The following MTREX variants were observed in gnomAD, a reference collection of about 807,000 sequenced individuals.
The protein encoded by MTREX is exosome RNA helicase MTR4.
In MTREX, 76 loss-of-function variants were observed where a neutral mutation model predicts 135.4. That is an observed-to-expected ratio of 0.56 (90% CI 0.47 to 0.68). MTREX has a LOEUF of 0.68. Ranked by LOEUF, MTREX falls within the 30% of genes least tolerant of loss-of-function variation. MTREX has a pLI of 0.00. For synonymous variants in MTREX, 404 were observed against 401.6 expected, an observed-to-expected ratio of 1.01 and a Z score of -0.07; for missense variants, 920 against 1,262.1, an observed-to-expected ratio of 0.73 and a Z score of 4.11.
chr5:55,422,008 G>A (rs1254356653), intron 25 of MTREX, among the ~76,000 whole-genome samples: 1 of 152,112 alleles, frequency 6.6e-6, no homozygotes, highest in African/African-American at 2.4e-5. Context: ...GCTGAGAATA[G>A]AAATAACAAA....
At position 55,416,033 on chromosome 5, in the gene MTREX, T is replaced by TA; in HGVS notation, c.2873dup (p.Tyr958Ter). ...EAKLEIDEET[Y>*]LSSFKPHLMD... ...CAAATTGGAAATTGATGAGGAAACTTATCTAAGCTCATTTAAACCTCACTT... is the reference window on the plus strand; with the variant it reads ...CAAATTGGAAATTGATGAGGAAACTTAATCTAAGCTCATTTAAACCTCACTT... The change falls in exon 25 of 27, where the codon TAT becomes TAAT. Residue 958 changes from tyrosine to a stop codon, truncating the protein, a stop_gained and frameshift_variant. Coordinates refer to ENST00000230640, the MANE Select transcript of MTREX (RefSeq NM_015360.5). LOFTEE classifies it high-confidence loss of function. 6.2e-7 allele frequency: 1 copy of TA among 1,604,106 alleles called. No individual in the cohort carries two copies. The highest frequency in any genetic ancestry group is 1.7e-4 in the Middle Eastern group (1 of 6,038).
At chr5:55,378,536 A>G (rs112229142) in intron 17 of MTREX, 50 bp downstream of exon 17, 4 of 1,523,222 alleles carry the variant, frequency 2.6e-6, no homozygotes, top group African/African-American at 2.9e-5. Context: ...ATATTTAAAC[A>G]TATTTTTGTT....
rs564131030 is a variant in MTREX at position 55,411,667 on chromosome 5, A to T, written c.2751+1038A>T. On this transcript the variant is annotated intron_variant, in intron 23 of 26. Transcript: ENST00000230640. ...GTTAGTGGCAATGATAACAAATAGGACAATAATCCAAAAACAGTTTATGCT... is the reference window on the plus strand; with the variant it reads ...GTTAGTGGCAATGATAACAAATAGGTCAATAATCCAAAAACAGTTTATGCT... Among the ~76,000 whole-genome samples, 9 of 152,292 alleles carry T rather than the reference A, an allele frequency of 5.9e-5. No homozygotes were observed. The East Asian group carries it at 1.5e-3, about 26-fold the overall frequency.
intron 12 of MTREX, among the ~76,000 whole-genome samples, chr5:55,350,253 T>C (rs754932164): frequency 3.3e-5 from 5 of 152,208 alleles, no homozygotes; most frequent in African/African-American, 4.8e-5. Flanking sequence ...GAAAGAAACA[T>C]TGGGAGATCA....
intron 18 of MTREX, among the ~76,000 whole-genome samples, chr5:55,382,357 C>A (rs1002772339): frequency 6.6e-6 from 1 of 151,364 alleles, no homozygotes; most frequent in Non-Finnish European, 1.5e-5. Flanking sequence ...ATTTATATAG[C>A]GAGAGAGAGA....
chr5:55,308,185 T>G, intron 1 of MTREX, 38 bp downstream of exon 1: 3 of 1,541,952 alleles, frequency 1.9e-6, no homozygotes, highest in Non-Finnish European at 2.6e-6. Context: ...TTATTTTTTT[T>G]CTCGGTGGGG....
In MTREX at chr5:55,384,680, G is replaced by T. The variant is rs112218912; in HGVS notation, c.2053-3294G>T. ...TTATTTCCTTGTTTATTTGTTTAGTGTCGGGCTGGATTATTTGATTGTAAG... is the reference window on the plus strand; with the variant it reads ...TTATTTCCTTGTTTATTTGTTTAGTTTCGGGCTGGATTATTTGATTGTAAG... On this transcript the variant is annotated intron_variant, in intron 18 of 26. Coordinates refer to ENST00000230640, the MANE Select transcript of MTREX (RefSeq NM_015360.5). 5.9e-3 allele frequency among the ~76,000 whole-genome samples: 893 copies of T among 152,172 alleles called. 8 individuals are homozygous for T. Among genetic ancestry groups the T allele is most frequent in the African/African-American group, 0.021 (860 of 41,496 alleles).
intron 6 of MTREX, 66 bp from the exon 7 acceptor site, chr5:55,341,615 C>A: frequency 2.5e-6 from 2 of 801,602 alleles, no homozygotes; most frequent in South Asian, 2.1e-5. Context: ...GAAAAAACAA[C>A]TTTTCTCTAA....
chr5:55,313,228 G>A (rs1288968177), intron 1 of MTREX, among the ~76,000 whole-genome samples: 1 of 151,204 alleles, frequency 6.6e-6, no homozygotes, highest in Non-Finnish European at 1.5e-5. Context: ...CCTGAGCCCA[G>A]GAGTTCGGGA....
At chr5:55,382,944 A>G (rs928013486) in intron 18 of MTREX, among the ~76,000 whole-genome samples, 1 of 152,080 alleles carries the variant, frequency 6.6e-6, no homozygotes, top group Non-Finnish European at 1.5e-5. Flanking sequence ...ACTTTTTATT[A>G]CTTTTAAAGC....
intron 16 of MTREX, among the ~76,000 whole-genome samples, chr5:55,371,211 A>C (rs987954618): frequency 6.6e-6 from 1 of 152,194 alleles, no homozygotes; most frequent in Non-Finnish European, 1.5e-5. Flanking sequence ...TTCAAGTTCT[A>C]AGAATTAAAT....
At chr5:55,410,083 T>C (rs1750862801) in intron 22 of MTREX, among the ~76,000 whole-genome samples, 1 of 151,990 alleles carries the variant, frequency 6.6e-6, no homozygotes, top group South Asian at 2.1e-4. Context: ...AATTAAAACA[T>C]AAAAATAAAA....
Position 55,340,114 on chromosome 5 carries a change from A to G in MTREX, c.620A>G (p.Gln207Arg). The change falls in exon 6 of 27, where the codon CAA becomes CGA. Residue 207 changes from glutamine to arginine, a missense_variant. Around this residue, in one of 6 missense-constraint regions of MTREX, gnomAD observed 88 missense variants for 202.5 expected, o/e 0.43. Coordinates refer to ENST00000230640, the MANE Select transcript of MTREX (RefSeq NM_015360.5). ...TACCGTGAAATGTATGAAGAATTTC[A>G]AGATGTTGGTTTGATGACTGGTGAT... ...QKYREMYEEF[Q>R]DVGLMTGDVT... The G allele has an allele frequency of 6.2e-7, 1 of 1,605,222 alleles. No homozygotes were observed. Among genetic ancestry groups the G allele is most frequent in the Non-Finnish European group, 8.5e-7 (1 of 1,175,816 alleles).
Position 55,327,608 on chromosome 5 carries a change from C to CT in MTREX, c.340-107dup, listed in dbSNP as rs1324323597. 3.7e-6 allele frequency: 3 copies of CT among 819,868 alleles called. No individual in the cohort carries two copies. The Admixed American group carries it at 6.2e-5, about 17-fold the overall frequency. The allele number at this position is 819,868 out of a possible 1,614,324, so 50.8% of individuals were successfully genotyped here. ...TCTGAGACAGCTAAAGTTCATCACT[C>CT]TAGTTCATCAGTTTTATTTTCCAAA... On this transcript the variant is annotated intron_variant, in intron 3 of 26. Coordinates refer to ENST00000230640, the MANE Select transcript of MTREX (RefSeq NM_015360.5).
At chr5:55,369,151 G>A (rs1455249417) in intron 16 of MTREX, among the ~76,000 whole-genome samples, 5 of 151,674 alleles carry the variant, frequency 3.3e-5, no homozygotes, top group Non-Finnish European at 7.4e-5. Flanking sequence ...AAATAATAAA[G>A]ATGAACAAGG....
At position 55,347,021 on chromosome 5, in the gene MTREX, A is replaced by G; in HGVS notation, c.1117A>G (p.Asn373Asp). The G allele has an allele frequency of 1.2e-6, 2 of 1,607,410 alleles. No homozygotes were observed. Among genetic ancestry groups the G allele is most frequent in the Non-Finnish European group, 1.7e-6 (2 of 1,177,918 alleles). ...GTTTACTGTTTTTGCAGGACCATCA[A>G]ATGTTTTCAAAATTGTGAAGATGAT... Reference protein sequence around the residue: ...GRKGGTKGPSNVFKIVKMIME... With the variant: ...GRKGGTKGPSDVFKIVKMIME... The change falls in exon 11 of 27, where the codon AAT becomes GAT. Residue 373 changes from asparagine (N) to aspartate (D), a missense_variant. Coordinates refer to ENST00000230640, the MANE Select transcript of MTREX (RefSeq NM_015360.5).
Position 55,397,490 on chromosome 5 carries a change from G to A in MTREX, c.2256G>A (p.Pro752=), listed in dbSNP as rs149072703. ...VRLYIPKDLR[P]VDNRQSVLKS... ...TTTACATTCCTAAAGACCTTCGGCC[G>A]GTGGACAATAGACAGAGTGTTTTAA... Residue 752 remains proline, a synonymous_variant, in exon 20 of 27, where the codon CCG becomes CCA. Coordinates refer to ENST00000230640, the MANE Select transcript of MTREX (RefSeq NM_015360.5). 2.2e-4 allele frequency: 361 copies of A among 1,608,856 alleles called. No individual in the cohort carries two copies. The highest frequency in any genetic ancestry group is 2.9e-4 in the Non-Finnish European group (337 of 1,176,414).
chr5:55,324,280 GT>G, intron 3 of MTREX, 82 bp downstream of exon 3: 1 of 937,302 alleles, frequency 1.1e-6, no homozygotes, highest in Non-Finnish European at 1.6e-6. Context: ...TCAGCAAACA[GT>G]TTAGCCATGA....
At chr5:55,311,532 C>G (rs1749111637) in intron 1 of MTREX, among the ~76,000 whole-genome samples, 1 of 152,100 alleles carries the variant, frequency 6.6e-6, no homozygotes, top group Non-Finnish European at 1.5e-5. Flanking sequence ...GTGGAGTTTC[C>G]CACATCCTGG....
Sources: allele counts gnomAD v4.1 joint callset (sites outside exome capture counted in the v4.1 genomes callset), GRCh38; gene constraint gnomAD v4.1.1; regional missense constraint gnomAD v4.1.1; transcripts MANE v1.5; gene names NCBI Gene and HGNC (gene_info 2026-07-23, HGNC 2026-07-21).